SLC35F4: variants seen among roughly 807,000 people sequenced by gnomAD.
The protein encoded by SLC35F4 is solute carrier family 35 member F4.
In SLC35F4, 24 loss-of-function variants were observed where a neutral mutation model predicts 44.2. That is an observed-to-expected ratio of 0.54 (90% CI 0.39 to 0.76). SLC35F4 has a LOEUF of 0.76. Ranked by LOEUF, SLC35F4 falls within the 30% of genes least tolerant of loss-of-function variation. The probability of loss-of-function intolerance (pLI) is 0.00; values close to 1 mark genes in which losing one functional copy is unlikely to be tolerated. For missense variants in SLC35F4, 562 were observed against 586.1 expected, an observed-to-expected ratio of 0.96 and a Z score of 0.42; for synonymous variants, 238 against 223.6, an observed-to-expected ratio of 1.06 and a Z score of -0.57.
chr14:57,571,994 G>A lies in SLC35F4; in HGVS notation c.833C>T (p.Thr278Ile). 6.2e-7 allele frequency: 1 copy of A among 1,610,972 alleles called. No individual in the cohort carries two copies. The highest frequency in any genetic ancestry group is 8.5e-7 in the Non-Finnish European group (1 of 1,178,424). ...TGCATATGCCATCATGACAATGCCG[G>A]TAATTGCCATTATTGCAGCAACTAT... ...VRIVAAIMAITGIVMMAYADN... is the reference protein window; with the variant it reads ...VRIVAAIMAIIGIVMMAYADN... The change falls in exon 5 of 8, where the codon ACC becomes ATC. Residue 278 changes from threonine to isoleucine, a missense_variant. Thr to Ile is a moderately conservative substitution (Grantham distance 89). Coordinates refer to ENST00000556826, the MANE Select transcript of SLC35F4 (RefSeq NM_001306087.2).
chr14:57,735,022 GT>G (rs5808937), intron 1 of SLC35F4, among the ~76,000 whole-genome samples: 4,354 of 149,074 alleles, frequency 0.029, 187 homozygotes, highest in East Asian at 0.17. Context: ...AGCCAGAGCT[GT>G]TTTTTTTTTA....
intron 1 of SLC35F4, among the ~76,000 whole-genome samples, chr14:57,773,959 G>A (rs968231408): frequency 3.3e-5 from 5 of 152,196 alleles, no homozygotes; most frequent in Admixed American, 6.5e-5. Context: ...AAAATGTTTA[G>A]TGGAGTTCAG....
At chr14:57,618,650 A>C (rs927556063) in intron 1 of SLC35F4, among the ~76,000 whole-genome samples, 1 of 152,232 alleles carries the variant, frequency 6.6e-6, no homozygotes, top group Admixed American at 6.5e-5. Context: ...GGAGTTTTTT[A>C]TTCATACCCC....
intron 1 of SLC35F4, among the ~76,000 whole-genome samples, chr14:57,977,858 G>T (rs897416987): frequency 9.2e-5 from 14 of 152,138 alleles, no homozygotes; most frequent in Non-Finnish European, 2.1e-4. Context: ...CTTCTCAATG[G>T]ACAGAACTGG....
chr14:57,641,684 A>G (rs2073246105), intron 1 of SLC35F4, among the ~76,000 whole-genome samples: 1 of 152,016 alleles, frequency 6.6e-6, no homozygotes, highest in South Asian at 2.1e-4. Context: ...ATTTAGAGTA[A>G]AAGGAAACAA....
intron 1 of SLC35F4, among the ~76,000 whole-genome samples, chr14:57,891,648 C>A (rs1335703816): frequency 2.0e-5 from 3 of 152,096 alleles, no homozygotes; most frequent in African/African-American, 7.2e-5. Flanking sequence ...GAGGCCAAGG[C>A]AGGCATATCA....
intron 1 of SLC35F4, among the ~76,000 whole-genome samples, chr14:57,716,951 T>C (rs1594870465): frequency 6.6e-6 from 1 of 152,204 alleles, no homozygotes; most frequent in South Asian, 2.1e-4. Flanking sequence ...AGCTTCCACA[T>C]ATGAGTGAGA....
intron 1 of SLC35F4, among the ~76,000 whole-genome samples, chr14:57,770,979 C>T (rs180935375): frequency 6.6e-5 from 10 of 152,260 alleles, no homozygotes; most frequent in African/African-American, 2.4e-4. Context: ...CATGTCAAAA[C>T]TTCACTGGCC....
At chr14:57,954,680 A>G (rs985172013) in intron 1 of SLC35F4, among the ~76,000 whole-genome samples, 6 of 152,204 alleles carry the variant, frequency 3.9e-5, no homozygotes, top group African/African-American at 9.6e-5. Flanking sequence ...TCTAAAAGAA[A>G]TGGATAAATT....
chr14:57,722,544 C>T (rs1361613248), intron 1 of SLC35F4, among the ~76,000 whole-genome samples: 1 of 152,188 alleles, frequency 6.6e-6, no homozygotes, highest in Non-Finnish European at 1.5e-5. Flanking sequence ...GCTGCAGTCA[C>T]TCAACTACAA....
intron 4 of SLC35F4, among the ~76,000 whole-genome samples, chr14:57,573,386 C>T (rs1223368916): frequency 2.0e-5 from 3 of 152,138 alleles, no homozygotes; most frequent in African/African-American, 7.2e-5. Context: ...AAACATTATC[C>T]AGGAGGCTGC....
At chr14:57,665,361 G>T (rs1054487183) in intron 1 of SLC35F4, among the ~76,000 whole-genome samples, 2 of 152,056 alleles carry the variant, frequency 1.3e-5, no homozygotes, top group African/African-American at 4.8e-5. Context: ...ATCTCATTAT[G>T]GGCCAGATAT....
At chr14:57,602,679 G>A (rs905417607) in intron 1 of SLC35F4, 4 of 152,146 alleles carry the variant, frequency 2.6e-5, no homozygotes, top group African/African-American at 4.8e-5. Context: ...TGCAACTAGT[G>A]ACACTTTCCC....
At chr14:57,643,490 C>A (rs1488502274) in intron 1 of SLC35F4, among the ~76,000 whole-genome samples, 1 of 152,070 alleles carries the variant, frequency 6.6e-6, no homozygotes, top group Non-Finnish European at 1.5e-5. Context: ...GAAATTATCA[C>A]CCGATTTACA....
chr14:57,663,718 A>G (rs950865259), intron 1 of SLC35F4, among the ~76,000 whole-genome samples: 3 of 152,172 alleles, frequency 2.0e-5, no homozygotes, highest in Admixed American at 6.5e-5. Context: ...TCAGAACTTC[A>G]CAATCCCCAC....
At chr14:57,964,484 A>AAC (rs1890397257) in intron 1 of SLC35F4, among the ~76,000 whole-genome samples, 1 of 152,218 alleles carries the variant, frequency 6.6e-6, no homozygotes, top group African/African-American at 2.4e-5. Context: ...AAAGTCTAAA[A>AAC]ATATGGAACC....
chr14:57,937,582 AAAAGAAAGAAAAGAAAAGAAAAGAAAAG>A lies in SLC35F4; in HGVS notation n.282+44303_282+44330del, dbSNP rs1889824679. On this transcript the variant is annotated intron_variant and non_coding_transcript_variant, in intron 1 of 1. Coordinates refer to the SLC35F4 transcript ENST00000556568. ...AAGAAAAGAAAAGAAAAGAGAAAAG[AAAAGAAAGAAAAGAAAAGAAAAGAAAAG>A]AAAAGAAAAGAAAAGAAAAGAAAAG... is the stretch of plus-strand genomic sequence containing the variant. Among the ~76,000 whole-genome samples, 12 of 118,216 alleles carry A rather than the reference AAAAGAAAGAAAAGAAAAGAAAAGAAAAG, an allele frequency of 1.0e-4. 1 individual carries two copies. The South Asian group carries it at 3.2e-3, about 32-fold the overall frequency. The allele number at this position is 118,216 out of a possible 152,430, so 77.6% of individuals were successfully genotyped here.
chr14:57,924,353 G>A (rs1309316619), intron 1 of SLC35F4, among the ~76,000 whole-genome samples: 2 of 152,142 alleles, frequency 1.3e-5, no homozygotes, highest in Non-Finnish European at 2.9e-5. Flanking sequence ...ATGGCTGAAG[G>A]CAAAGGGGAG....
chr14:57,807,441 GC>G (rs1881461778), intron 1 of SLC35F4, among the ~76,000 whole-genome samples: 1 of 151,912 alleles, frequency 6.6e-6, no homozygotes, highest in Admixed American at 6.5e-5. Flanking sequence ...GCAATTTTTG[GC>G]CCCATCTTTA....
Sources: allele counts gnomAD v4.1 joint callset (sites outside exome capture counted in the v4.1 genomes callset), GRCh38; gene constraint gnomAD v4.1.1; transcripts MANE v1.5; gene names NCBI Gene and HGNC (gene_info 2026-07-23, HGNC 2026-07-21).